The following BTRC variants were observed in gnomAD, a reference collection of about 807,000 sequenced individuals.
BTRC encodes F-box/WD repeat-containing protein 1A.
Under a neutral mutation model 85.5 loss-of-function variants are expected in BTRC, and 42 were observed. The ratio of observed to expected loss-of-function variants is 0.49; its 90% confidence interval spans 0.38 to 0.64. The LOEUF is 0.64. Among genes scored for constraint, BTRC ranks in the 30% least tolerant of loss-of-function variants. The pLI, the probability that BTRC is intolerant of heterozygous loss-of-function variation, is 0.00. For synonymous variants in BTRC, 255 were observed against 263.3 expected (o/e 0.97, Z 0.30); for missense variants, 594 against 743.5 (o/e 0.80, Z 2.34).
chr10:101,403,949 G>A (rs1485466419), intron 1 of BTRC, among the ~76,000 whole-genome samples: 1 of 145,328 alleles, frequency 6.9e-6, no homozygotes. Flanking sequence ...TCTTTCAAGA[G>A]TGTTTTTAGT....
At chr10:101,378,147 C>T (rs1047781862) in intron 1 of BTRC, among the ~76,000 whole-genome samples, 1 of 151,976 alleles carries the variant, frequency 6.6e-6, no homozygotes, top group Admixed American at 6.6e-5. Flanking sequence ...AAGGCTTTCC[C>T]TTGAGTAATA....
intron 4 of BTRC, among the ~76,000 whole-genome samples, chr10:101,513,896 A>G (rs2061989313): frequency 6.6e-6 from 1 of 152,224 alleles, no homozygotes; most frequent in Admixed American, 6.5e-5. Context: ...ACTGCCAACA[A>G]TGTGTGAGAG....
intron 4 of BTRC, among the ~76,000 whole-genome samples, chr10:101,515,060 A>G (rs527843455): frequency 9.2e-5 from 14 of 152,118 alleles, no homozygotes; most frequent in Admixed American, 7.2e-4. Context: ...GGTTCAAGCA[A>G]TGCTCCTGCC....
intron 14 of BTRC, among the ~76,000 whole-genome samples, chr10:101,552,230 C>T (rs890818774): frequency 6.6e-6 from 1 of 151,538 alleles, no homozygotes; most frequent in Non-Finnish European, 1.5e-5. Flanking sequence ...CTCCTGTCAC[C>T]CAAGCTGGAG....
intron 4 of BTRC, among the ~76,000 whole-genome samples, chr10:101,520,523 A>G (rs2062088480): frequency 6.6e-6 from 1 of 152,242 alleles, no homozygotes; most frequent in Admixed American, 6.5e-5. Context: ...CTTCATGGGA[A>G]ATACGGAATA....
intron 2 of BTRC, among the ~76,000 whole-genome samples, chr10:101,436,744 C>T (rs1279350282): frequency 2.6e-5 from 4 of 151,974 alleles, no homozygotes; most frequent in Non-Finnish European, 5.9e-5. Context: ...CTAAGTGAAA[C>T]GTGATATTTT....
chr10:101,438,447 A>AAT (rs1944594262), intron 2 of BTRC, among the ~76,000 whole-genome samples: 1 of 143,674 alleles, frequency 7.0e-6, no homozygotes, highest in Non-Finnish European at 1.5e-5. Context: ...AAAAAAAAAA[A>AAT]AAAGTCTTCT....
chr10:101,367,337 G>A (rs1942496247), intron 1 of BTRC, among the ~76,000 whole-genome samples: 1 of 151,434 alleles, frequency 6.6e-6, no homozygotes, highest in Admixed American at 6.6e-5. Flanking sequence ...CAAAGTGCTG[G>A]GATTACAGGC....
intron 2 of BTRC, 58 bp from the exon 3 acceptor site, chr10:101,461,923 C>A: frequency 7.9e-7 from 1 of 1,263,558 alleles, no homozygotes; most frequent in Non-Finnish European, 1.1e-6. Context: ...TCAGTTTACT[C>A]CCAAAGGATA....
At chr10:101,366,861 TATATATTA>T (rs1414070904) in intron 1 of BTRC, among the ~76,000 whole-genome samples, 2,875 of 15,208 alleles carry the variant, frequency 0.19, 675 homozygotes, top group African/African-American at 0.31. Flanking sequence ...AATATATATT[TATATATTA>T]ATATATATTT....
intron 4 of BTRC, among the ~76,000 whole-genome samples, chr10:101,511,503 A>T (rs1385072084): frequency 6.6e-6 from 1 of 151,988 alleles, no homozygotes; most frequent in East Asian, 1.9e-4. Flanking sequence ...CTGGAACCAC[A>T]TGTGCGCACC....
intron 1 of BTRC, among the ~76,000 whole-genome samples, chr10:101,392,325 C>T (rs1269153417): frequency 6.6e-6 from 1 of 152,060 alleles, no homozygotes; most frequent in Non-Finnish European, 1.5e-5. Flanking sequence ...GCAATATGCC[C>T]AAAGAGAATG....
chr10:101,548,639 C>A (rs535492571), intron 13 of BTRC, among the ~76,000 whole-genome samples: 2 of 152,268 alleles, frequency 1.3e-5, no homozygotes, highest in Admixed American at 1.3e-4. Flanking sequence ...GTAGTCCCAG[C>A]TACTTGGGAG....
chr10:101,505,132 T>TATATATATGTATATATATGTGTAC (rs1946492307), intron 4 of BTRC, among the ~76,000 whole-genome samples: 2 of 46,964 alleles, frequency 4.3e-5, no homozygotes, highest in Non-Finnish European at 1.6e-4. Context: ...TATATGTGTA[T>TATATATATGTATATATATGTGTAC]ATATATGTAT....
intron 2 of BTRC, among the ~76,000 whole-genome samples, chr10:101,444,168 C>T (rs1944764344): frequency 6.6e-6 from 1 of 152,178 alleles, no homozygotes; most frequent in African/African-American, 2.4e-5. Context: ...TAGTCTGTGT[C>T]TTAAATGGTT....
intron 1 of BTRC, among the ~76,000 whole-genome samples, chr10:101,422,982 G>A (rs1944146804): frequency 6.6e-6 from 1 of 152,192 alleles, no homozygotes; most frequent in Non-Finnish European, 1.5e-5. Flanking sequence ...GAACTTTAAA[G>A]TAGTTTTTTC....
At chr10:101,390,100 T>G (rs28519618) in intron 1 of BTRC, among the ~76,000 whole-genome samples, 54,921 of 151,962 alleles carry the variant, frequency 0.36, 11,019 homozygotes, top group Middle Eastern at 0.48. Flanking sequence ...GAAAAGAAAA[T>G]AAAGCCCATG....
intron 1 of BTRC, among the ~76,000 whole-genome samples, chr10:101,379,116 A>G (rs1402158915): frequency 1.3e-5 from 2 of 152,216 alleles, no homozygotes; most frequent in Non-Finnish European, 1.5e-5. Flanking sequence ...GCTTTATCAA[A>G]TTTTGCCTGT....
intron 6 of BTRC, among the ~76,000 whole-genome samples, chr10:101,528,784 T>A (rs979065060): frequency 6.6e-6 from 1 of 152,250 alleles, no homozygotes; most frequent in Non-Finnish European, 1.5e-5. Context: ...AAAGTCTTTC[T>A]GTGTTATACT....
Sources: gnomAD v4.1 joint callset for allele counts (sites outside exome capture counted in the v4.1 genomes callset) on GRCh38, gnomAD v4.1.1 for gene constraint, MANE v1.5 for transcripts, NCBI Gene and HGNC (gene_info 2026-07-23, HGNC 2026-07-21) for gene names.